VPS9D1: variants seen among roughly 807,000 people sequenced by gnomAD.
VPS9D1 encodes VPS9 domain-containing protein 1.
VPS9D1 carries 78 observed loss-of-function variants against 75.8 expected under a neutral mutation model. The observed-to-expected ratio is 1.03, with a 90% CI of 0.86 to 1.24. The LOEUF (loss-of-function observed/expected upper bound fraction) is 1.24. Among genes scored for constraint, VPS9D1 ranks in the 50% most tolerant of loss-of-function variants. VPS9D1 has a pLI of 0.00. For synonymous variants in VPS9D1, 481 were observed against 385.6 expected (o/e 1.25, Z -2.90); for missense variants, 1,057 against 847.7 (o/e 1.25, Z -3.07).
At position 89,711,903 on chromosome 16, in the gene VPS9D1, G is replaced by A. The variant is rs1295348546; in HGVS notation, c.726C>T (p.Ile242=). 1 of 1,551,358 alleles carries A rather than the reference G, an allele frequency of 6.4e-7. No homozygotes were observed. The highest frequency in any genetic ancestry group is 8.7e-7 in the Non-Finnish European group (1 of 1,147,050). The change falls in exon 8 of 15, where the codon ATC becomes ATT. Residue 242 remains isoleucine (I), a synonymous_variant. Transcript: ENST00000389386. ...EREQRALYAA[I]LEYEQDHDWP... is the part of the protein sequence containing the mutation. Reference sequence around the variant, plus strand: ...GCACATGGTCCTGTTCGTACTCCAGGATGGCGGCGTAAAGGGCCCGCTGCT... The same window carrying A: ...GCACATGGTCCTGTTCGTACTCCAGAATGGCGGCGTAAAGGGCCCGCTGCT...
At chr16:89,715,819 G>C (rs1461314654) in intron 4 of VPS9D1, among the ~76,000 whole-genome samples, 4 of 152,028 alleles carry the variant, frequency 2.6e-5, no homozygotes, top group African/African-American at 9.7e-5. Context: ...TGGGATTACA[G>C]GTGCACACCA....
In VPS9D1 at chr16:89,712,733, C is replaced by T; in HGVS notation, c.432-17G>A. The T allele has an allele frequency of 3.1e-6, 4 of 1,272,910 alleles. No homozygotes were observed. The highest frequency in any genetic ancestry group is 1.5e-5 in the South Asian group (1 of 68,304). 78.9% of individuals were successfully genotyped at this position (1,272,910 alleles called of 1,614,324 possible). The stretch of plus-strand genomic sequence containing the variant: ...GTCAGCTCTCTGGAAATGTGACAAG[C>T]TGCTGTCTAGACCCCAGGAAGCCCA... On this transcript the variant is annotated splice_polypyrimidine_tract_variant and intron_variant, in intron 4 of 14. Transcript: ENST00000389386.
intron 2 of VPS9D1, chr16:89,717,917 C>G (rs913210947): frequency 8.2e-6 from 3 of 365,318 alleles, no homozygotes; most frequent in Non-Finnish European, 1.7e-5. Context: ...GATCCCACGT[C>G]CAGTGGCTCC....
chr16:89,713,415 C>T (rs1175117211), intron 4 of VPS9D1, among the ~76,000 whole-genome samples: 4 of 151,648 alleles, frequency 2.6e-5, no homozygotes, highest in South Asian at 2.1e-4. Context: ...CCACTATGCC[C>T]GGCTAATTTT....
intron 4 of VPS9D1, among the ~76,000 whole-genome samples, chr16:89,714,054 A>G (rs911731951): frequency 3.3e-5 from 5 of 152,000 alleles, no homozygotes; most frequent in African/African-American, 1.2e-4. Flanking sequence ...CTCCTGCCTC[A>G]GCCTCCCGAG....
At chr16:89,711,812 C>G in intron 8 of VPS9D1, 70 bp downstream of exon 8, 1 of 1,506,910 alleles carries the variant, frequency 6.6e-7, no homozygotes, top group African/African-American at 1.4e-5. Flanking sequence ...CGGGGGCCCA[C>G]CCAGGCGGCT....
chr16:89,719,568 C>T (rs2071764840), intron 1 of VPS9D1, among the ~76,000 whole-genome samples: 1 of 152,178 alleles, frequency 6.6e-6, no homozygotes, highest in South Asian at 2.1e-4. Flanking sequence ...TGGAAGTTTT[C>T]AAATCACTTC....
Position 89,710,727 on chromosome 16 carries a change from A to G in VPS9D1, c.1117T>C (p.Leu373=), listed in dbSNP as rs377394644. 3.8e-6 allele frequency: 6 copies of G among 1,594,918 alleles called. No individual in the cohort carries two copies. The African/African-American group carries it at 5.4e-5, about 14-fold the overall frequency. ...TCGAACGAGCTGTCCTTGTCTGGCA[A>G]TCCAGATGCGGTGTCCCCCAGGGGT... The part of the protein sequence containing the change: ...PSPLGDTASG[L]PDKDSSFEDL... Residue 373 remains leucine (L), a synonymous_variant, in exon 10 of 15, where the codon TTG becomes CTG. Transcript: ENST00000389386.
chr16:89,714,332 G>T (rs2061011815), intron 4 of VPS9D1, among the ~76,000 whole-genome samples: 1 of 152,078 alleles, frequency 6.6e-6, no homozygotes. Context: ...CCCAGGGAAG[G>T]CAAAAGATTG....
intron 12 of VPS9D1, 98 bp downstream of exon 12, chr16:89,709,129 G>T: frequency 6.6e-7 from 1 of 1,514,610 alleles, no homozygotes; most frequent in East Asian, 2.4e-5. Context: ...CCTCCCCACC[G>T]GCACGTGACA....
Position 89,707,897 on chromosome 16 carries a change from G to A in VPS9D1, c.1860C>T (p.Tyr620=), listed in dbSNP as rs376282847. The change falls in exon 15 of 15, where the codon TAC becomes TAT. Residue 620 remains tyrosine (Y), a synonymous_variant. Coordinates refer to ENST00000389386, the MANE Select transcript of VPS9D1 (RefSeq NM_004913.3). ...CLTSLQSALS[Y]VELLPRGGLA... is the part of the protein sequence containing the mutation. ...GGCCTCCCCGGGGCAGCAGCTCCACGTAGCTCAGGGCACTCTGCAGTGATG... is the reference window on the plus strand; with the variant it reads ...GGCCTCCCCGGGGCAGCAGCTCCACATAGCTCAGGGCACTCTGCAGTGATG... 142 of 1,613,160 alleles carry A rather than the reference G, an allele frequency of 8.8e-5. No homozygotes were observed. The highest frequency in any genetic ancestry group is 1.1e-4 in the Non-Finnish European group (125 of 1,179,966).
intron 9 of VPS9D1, 111 bp downstream of exon 9, chr16:89,711,216 G>T: frequency 1.5e-6 from 2 of 1,293,042 alleles, no homozygotes; most frequent in Non-Finnish European, 2.2e-6. Flanking sequence ...TGTCCACGTG[G>T]CCGGGCACAG....
chr16:89,714,282 C>T (rs545531567), intron 4 of VPS9D1, among the ~76,000 whole-genome samples: 2 of 151,866 alleles, frequency 1.3e-5, no homozygotes, highest in African/African-American at 4.8e-5. Flanking sequence ...TTAGTGTTAG[C>T]GTATTTTATG....
chr16:89,716,481 C>G lies in VPS9D1; in HGVS notation c.412G>C (p.Glu138Gln). 17 of 1,614,096 alleles carry G rather than the reference C, an allele frequency of 1.1e-5. No individual in the cohort carries two copies. Among genetic ancestry groups the G allele is most frequent in the Non-Finnish European group, 1.4e-5 (17 of 1,180,012 alleles). ...PEIFQKLQGAESQSCKKELTP... is the reference protein window; with the variant it reads ...PEIFQKLQGAQSQSCKKELTP... ...TCTTACTTCTTACAGCTTTGTGACT[C>G]TGCCCCCTGAAGCTTCTGGAAGATC... Residue 138 changes from glutamate (E) to glutamine (Q), a missense_variant, in exon 4 of 15, where the codon GAG becomes CAG. Physicochemically the swap from Glu to Gln is conservative, Grantham distance 29. Transcript: ENST00000389386.
In VPS9D1 at chr16:89,712,435, C is replaced by T. The variant is rs766934325; in HGVS notation, c.606+25G>A. 8.7e-6 allele frequency: 14 copies of T among 1,611,846 alleles called. No individual in the cohort carries two copies. The East Asian group carries it at 3.1e-4, about 36-fold the overall frequency. On this transcript the variant is annotated intron_variant, in intron 6 of 14. Transcript: ENST00000389386. ...GCCACACTGAGTTTCCCCTCGGGGA[C>T]CACCAGGGCGGTCAGAAAGGCTGCT...
chr16:89,714,427 T>C (rs1041860949), intron 4 of VPS9D1, among the ~76,000 whole-genome samples: 1 of 152,162 alleles, frequency 6.6e-6, no homozygotes, highest in African/African-American at 2.4e-5. Context: ...CCTGTCTCCT[T>C]TATACAGTTC....
intron 11 of VPS9D1, 50 bp from the exon 12 acceptor site, chr16:89,709,485 G>A (rs2060867086): frequency 6.8e-7 from 1 of 1,476,292 alleles, no homozygotes. Flanking sequence ...CTTGCCCTGG[G>A]GACAGAAGCA....
chr16:89,711,035 C>T (rs760318017), intron 9 of VPS9D1, 25 bp from the exon 10 acceptor site: 1 of 1,434,480 alleles, frequency 7.0e-7, no homozygotes, highest in Non-Finnish European at 9.1e-7. Context: ...GACGTGAGAA[C>T]GCGGCCAGCC....
chr16:89,712,478 G>A lies in VPS9D1; in HGVS notation c.588C>T (p.Ala196=), dbSNP rs746959586. Residue 196 remains alanine (A), a synonymous_variant, in exon 6 of 15, where the codon GCC becomes GCT. Coordinates refer to ENST00000389386, the MANE Select transcript of VPS9D1 (RefSeq NM_004913.3). Reference sequence around the variant, plus strand: ...AGGCTGCTGTCTCCTCCCGGGCTTTGGCAATCACTAGGTTCTCCATCATCT... The same window carrying A: ...AGGCTGCTGTCTCCTCCCGGGCTTTAGCAATCACTAGGTTCTCCATCATCT... The part of the protein sequence containing the change: ...QRQMMENLVI[A]KAREETLQRK... 6.8e-6 allele frequency: 11 copies of A among 1,613,362 alleles called. No homozygotes were observed. Among genetic ancestry groups the A allele is most frequent in the Admixed American group, 1.7e-5 (1 of 60,022 alleles).
Sources: gnomAD v4.1 joint callset for allele counts (sites outside exome capture counted in the v4.1 genomes callset) on GRCh38, gnomAD v4.1.1 for gene constraint, MANE v1.5 for transcripts, NCBI Gene and HGNC (gene_info 2026-07-23, HGNC 2026-07-21) for gene names.